ITFG1: variants seen among roughly 807,000 people sequenced by gnomAD.
ITFG1 encodes integrin alpha FG-GAP repeat containing 1.
Under a neutral mutation model 81.8 loss-of-function variants are expected in ITFG1, and 34 were observed. That is an observed-to-expected ratio of 0.42 (90% confidence interval 0.32 to 0.55). The LOEUF (loss-of-function observed/expected upper bound fraction) is 0.55. Ranked by LOEUF, ITFG1 falls within the 20% of genes least tolerant of loss-of-function variation. ITFG1 has a pLI of 0.17. For missense variants in ITFG1, 672 were observed against 755.4 expected, an observed-to-expected ratio of 0.89 and a Z score of 1.29; for synonymous variants, 285 against 270.6, an observed-to-expected ratio of 1.05 and a Z score of -0.52.
At chr16:47,388,502 G>A (rs867894576) in intron 6 of ITFG1, among the ~76,000 whole-genome samples, 1 of 152,142 alleles carries the variant, frequency 6.6e-6, no homozygotes, top group Non-Finnish European at 1.5e-5. Flanking sequence ...AGTTTAATGG[G>A]TGACTTCTCA....
intron 13 of ITFG1, among the ~76,000 whole-genome samples, chr16:47,222,635 G>T: frequency 6.6e-6 from 1 of 152,086 alleles, no homozygotes; most frequent in Middle Eastern, 3.4e-3. Flanking sequence ...GGATGGTCTC[G>T]ATCTCCTGAC....
At chr16:47,188,061 A>G (rs1965246114) in intron 14 of ITFG1, among the ~76,000 whole-genome samples, 1 of 151,916 alleles carries the variant, frequency 6.6e-6, no homozygotes, top group African/African-American at 2.4e-5. Context: ...AACCACAGTG[A>G]GATACCATCT....
intron 6 of ITFG1, among the ~76,000 whole-genome samples, chr16:47,389,465 G>A (rs1968504281): frequency 1.3e-5 from 2 of 151,908 alleles, no homozygotes; most frequent in Non-Finnish European, 2.9e-5. Flanking sequence ...GACACCAGAT[G>A]GTAACTTGAA....
chr16:47,433,770 A>AATTTATATAT, intron 5 of ITFG1, among the ~76,000 whole-genome samples: 1 of 124,476 alleles, frequency 8.0e-6, no homozygotes, highest in African/African-American at 3.3e-5. Flanking sequence ...ATAAAAACTG[A>AATTTATATAT]ATATATATAT....
chr16:47,283,477 A>G (rs946500014), intron 10 of ITFG1, among the ~76,000 whole-genome samples: 2 of 152,102 alleles, frequency 1.3e-5, no homozygotes, highest in Admixed American at 1.3e-4. Context: ...CCAGCTCCTT[A>G]TAATAAATCC....
chr16:47,331,578 C>G (rs1967637931), intron 8 of ITFG1, among the ~76,000 whole-genome samples: 1 of 152,174 alleles, frequency 6.6e-6, no homozygotes, highest in Admixed American at 6.5e-5. Flanking sequence ...ATCCTAACTT[C>G]TGCTTATACT....
intron 13 of ITFG1, among the ~76,000 whole-genome samples, chr16:47,222,191 T>C (rs1965699889): frequency 6.6e-6 from 1 of 151,664 alleles, no homozygotes; most frequent in Admixed American, 6.6e-5. Context: ...GGTGTCAATT[T>C]TGGATCTTTC....
chr16:47,304,585 T>C (rs930237032), intron 10 of ITFG1, among the ~76,000 whole-genome samples: 2 of 152,224 alleles, frequency 1.3e-5, no homozygotes, highest in African/African-American at 4.8e-5. Flanking sequence ...TGTACATTTG[T>C]TTCTCCATTT....
Position 47,361,799 on chromosome 16 carries a change from A to T in ITFG1, c.802+3989T>A, listed in dbSNP as rs150555610. On this transcript the variant is annotated intron_variant, in intron 8 of 17. Transcript: ENST00000320640. ...TTGGTCTTCTTTTGCATTATATTTTAGTATCTGCCGATGGTTTCTGACCAC... is the reference window on the plus strand; with the variant it reads ...TTGGTCTTCTTTTGCATTATATTTTTGTATCTGCCGATGGTTTCTGACCAC... Among the ~76,000 whole-genome samples, 1,053 of 152,270 alleles carry T rather than the reference A, an allele frequency of 6.9e-3. 15 individuals are homozygous for T. The highest frequency in any genetic ancestry group is 0.024 in the African/African-American group (1,009 of 41,538).
intron 8 of ITFG1, among the ~76,000 whole-genome samples, chr16:47,349,258 G>A (rs1482678341): frequency 2.0e-5 from 3 of 152,030 alleles, no homozygotes; most frequent in South Asian, 2.1e-4. Context: ...TAAAAGGCAC[G>A]GACTGGCAAA....
chr16:47,318,577 A>G (rs1967401474), intron 8 of ITFG1, among the ~76,000 whole-genome samples: 2 of 152,156 alleles, frequency 1.3e-5, no homozygotes. Flanking sequence ...ATAGTTCTCA[A>G]ACTTTTAAAT....
intron 14 of ITFG1, among the ~76,000 whole-genome samples, chr16:47,203,105 T>C (rs540089795): frequency 6.6e-6 from 1 of 152,148 alleles, no homozygotes; most frequent in African/African-American, 2.4e-5. Flanking sequence ...CAAGTGTCCA[T>C]GAACTGGGGG....
At chr16:47,227,247 G>T (rs1030674962) in intron 13 of ITFG1, among the ~76,000 whole-genome samples, 2 of 152,128 alleles carry the variant, frequency 1.3e-5, no homozygotes, top group African/African-American at 2.4e-5. Flanking sequence ...AATGCCAAGA[G>T]ATCTGGAATA....
chr16:47,451,386 AT>A lies in ITFG1; in HGVS notation c.560+9del. 1 of 1,442,936 alleles carries A rather than the reference AT, an allele frequency of 6.9e-7. No individual in the cohort carries two copies. Among genetic ancestry groups the A allele is most frequent in the Non-Finnish European group, 9.7e-7 (1 of 1,030,710 alleles). The allele number at this position is 1,442,936 out of a possible 1,614,324, so 89.4% of individuals were successfully genotyped here. Reference sequence around the variant, plus strand: ...CGATTAATTACATAGTTATAACCATATTTACTCACCCTCCTAATAGTATCTG... The same window carrying A: ...CGATTAATTACATAGTTATAACCATATTACTCACCCTCCTAATAGTATCTG... On this transcript the variant is annotated intron_variant, in intron 5 of 17. Transcript: ENST00000320640.
At chr16:47,409,664 G>A (rs543177099) in intron 6 of ITFG1, among the ~76,000 whole-genome samples, 154 of 150,070 alleles carry the variant, frequency 1.0e-3, no homozygotes, top group Non-Finnish European at 1.6e-3. Context: ...TGATCCACCC[G>A]CCTCGGCCTC....
chr16:47,356,360 T>G lies in ITFG1; in HGVS notation c.802+9428A>C, dbSNP rs191260811. Among the ~76,000 whole-genome samples, 503 of 152,338 alleles carry G rather than the reference T, an allele frequency of 3.3e-3. 3 individuals carry two copies. Among genetic ancestry groups the G allele is most frequent in the Non-Finnish European group, 3.5e-3 (239 of 68,024 alleles). Reference sequence around the variant, plus strand: ...TTGTAAATCCTTTCAACGTCACTGATTAACAAAAATTTGAAAGCTTTCTCT... The same window carrying G: ...TTGTAAATCCTTTCAACGTCACTGAGTAACAAAAATTTGAAAGCTTTCTCT... On this transcript the variant is annotated intron_variant, in intron 8 of 17. Transcript: ENST00000320640.
At chr16:47,247,942 C>A (rs1335711773) in intron 12 of ITFG1, among the ~76,000 whole-genome samples, 1 of 152,090 alleles carries the variant, frequency 6.6e-6, no homozygotes, top group Non-Finnish European at 1.5e-5. Context: ...ATGATGCATC[C>A]TCTCAATGTC....
chr16:47,243,929 G>C (rs1440818051), intron 12 of ITFG1, among the ~76,000 whole-genome samples: 6 of 152,210 alleles, frequency 3.9e-5, no homozygotes, highest in Admixed American at 3.3e-4. Flanking sequence ...TACTCGGGAG[G>C]CTGGGGCAGG....
intron 10 of ITFG1, among the ~76,000 whole-genome samples, chr16:47,291,999 CATG>C (rs1966912367): frequency 6.6e-6 from 1 of 151,090 alleles, no homozygotes; most frequent in Non-Finnish European, 1.5e-5. Flanking sequence ...ATATGGCATT[CATG>C]ATGCCATTTT....
Sources: allele counts gnomAD v4.1 joint callset (sites outside exome capture counted in the v4.1 genomes callset), GRCh38; gene constraint gnomAD v4.1.1; transcripts MANE v1.5; gene names NCBI Gene and HGNC (gene_info 2026-07-23, HGNC 2026-07-21).